Variants in RASGRF1 observed in about 807,000 individuals in gnomAD.
The protein encoded by RASGRF1 is Ras protein specific guanine nucleotide releasing factor 1.
In RASGRF1, 40 loss-of-function variants were observed where a neutral mutation model predicts 138.7. The observed-to-expected ratio is 0.29, with a 90% CI of 0.22 to 0.38. The LOEUF is 0.38. RASGRF1 is among the 10% of genes least tolerant of loss of function. The probability of loss-of-function intolerance (pLI) is 1.00; values close to 1 mark genes in which losing one functional copy is unlikely to be tolerated. For missense variants in RASGRF1, 1,108 were observed against 1,650.4 expected (o/e 0.67, Z 5.69); for synonymous variants, 614 against 663.2 (o/e 0.93, Z 1.14).
rs1262211699 is a variant in RASGRF1, at chr15:78,961,071, T to G, written c.*1073A>C. 1 of 152,276 alleles carries G rather than the reference T, an allele frequency of 6.6e-6. No homozygotes were observed. Among genetic ancestry groups the G allele is most frequent in the African/African-American group, 2.4e-5 (1 of 41,472 alleles). 9.4% of individuals were successfully genotyped at this position (152,276 alleles called of 1,614,324 possible). A position where few individuals can be genotyped will look rare whatever the true frequency, so the allele number is the denominator to read the frequency against. On this transcript the variant is annotated 3_prime_UTR_variant, in exon 27 of 27. Coordinates refer to ENST00000558480, the MANE Select transcript of RASGRF1 (RefSeq NM_001145648.3). ...TTGCTTACAGCAAAAGTTGTCTGTC[T>G]GTTGTAGTGGAGCATGCCTGCCACT...
chr15:79,063,855 G>A (rs527561449), intron 2 of RASGRF1, among the ~76,000 whole-genome samples: 1 of 152,240 alleles, frequency 6.6e-6, no homozygotes, highest in East Asian at 1.9e-4. Flanking sequence ...GTTCAGCTTG[G>A]AGCCCCTGTT....
intron 14 of RASGRF1, chr15:79,004,841 CT>C (rs1436057724): frequency 1.0e-6 from 1 of 985,218 alleles, no homozygotes; most frequent in Non-Finnish European, 1.2e-6. Flanking sequence ...TAGGATTGAT[CT>C]TTTAACCCTC....
chr15:79,037,468 T>A lies in RASGRF1; in HGVS notation c.879-2258A>T, dbSNP rs190247710. Among the ~76,000 whole-genome samples, 1,299 of 151,886 alleles carry A rather than the reference T, an allele frequency of 8.6e-3. 14 individuals carry two copies. The highest frequency in any genetic ancestry group is 0.03 in the African/African-American group (1,262 of 41,394). The stretch of plus-strand genomic sequence containing the variant: ...TTTCTATTATTATTATTATTATTAT[T>A]ATATTTTTGAGGTGGAGTCTTGCTC... On this transcript the variant is annotated intron_variant, in intron 5 of 26. Transcript: ENST00000558480.
At chr15:79,055,065 C>T (rs933152270) in intron 3 of RASGRF1, among the ~76,000 whole-genome samples, 3 of 152,194 alleles carry the variant, frequency 2.0e-5, no homozygotes, top group African/African-American at 7.2e-5. Flanking sequence ...GAGGAGAAGG[C>T]TGTGGTGGGG....
chr15:78,976,119 G>T (rs1383033630), intron 24 of RASGRF1, among the ~76,000 whole-genome samples: 1 of 152,172 alleles, frequency 6.6e-6, no homozygotes, highest in Admixed American at 6.5e-5. Context: ...TGACCACCCA[G>T]ATCAGTGAAA....
chr15:79,082,099 C>G (rs1206146346), intron 1 of RASGRF1, among the ~76,000 whole-genome samples: 1 of 152,180 alleles, frequency 6.6e-6, no homozygotes, highest in Non-Finnish European at 1.5e-5. Flanking sequence ...GCCCGATGAT[C>G]AGATTTGCAT....
intron 19 of RASGRF1, among the ~76,000 whole-genome samples, chr15:78,996,329 C>T (rs1271745452): frequency 1.3e-5 from 2 of 152,132 alleles, no homozygotes; most frequent in Non-Finnish European, 2.9e-5. Flanking sequence ...GCCAAAGTGC[C>T]GCACGCTCAC....
At position 79,046,608 on chromosome 15, in the gene RASGRF1, G is replaced by C. The variant is rs776409700; in HGVS notation, c.878+138C>G. The stretch of plus-strand genomic sequence containing the variant: ...ATTGGGGTTGGTGGTTTCTAGCCAC[G>C]TGATCTTGGGCACTTCTGTCCTCTC... On this transcript the variant is annotated intron_variant, in intron 5 of 26. Coordinates refer to ENST00000558480, the MANE Select transcript of RASGRF1 (RefSeq NM_001145648.3). This position sits in a 1 kb window ranked among gnomAD's most constrained non-coding sequence, Gnocchi z 5.3. 7.2e-7 allele frequency: 1 copy of C among 1,396,004 alleles called. No homozygotes were observed. The highest frequency in any genetic ancestry group is 1.4e-5 in the African/African-American group (1 of 69,766). The allele number at this position is 1,396,004 out of a possible 1,614,324, so 86.5% of individuals were successfully genotyped here. A position where few individuals can be genotyped will look rare whatever the true frequency, so the allele number is the denominator to read the frequency against.
chr15:78,980,103 G>A lies in RASGRF1; in HGVS notation c.3494+517C>T, dbSNP rs370382997. 305 of 152,632 alleles carry A rather than the reference G, an allele frequency of 2.0e-3. 1 individual carries two copies. Among genetic ancestry groups the A allele is most frequent in the Non-Finnish European group, 3.4e-3 (229 of 68,254 alleles). The allele number at this position is 152,632 out of a possible 1,614,324, so 9.5% of individuals were successfully genotyped here. A position where few individuals can be genotyped will look rare whatever the true frequency, so the allele number is the denominator to read the frequency against. ...CCGCCGTGTGGGCAATGTTGATGGC[G>A]TTAAGCGCACAATGTCTAGGCAAGT... On this transcript the variant is annotated intron_variant, in intron 24 of 26. Coordinates refer to ENST00000558480, the MANE Select transcript of RASGRF1 (RefSeq NM_001145648.3).
chr15:79,086,580 C>G (rs1028688402), intron 1 of RASGRF1, among the ~76,000 whole-genome samples: 29 of 151,564 alleles, frequency 1.9e-4, no homozygotes, highest in African/African-American at 2.4e-4. Context: ...CTAAGACCCC[C>G]CCCCCCCAGC....
rs1255920458 is a variant in RASGRF1, at chr15:79,006,338, C to A, written c.1923G>T (p.Glu641Asp). 3 of 1,614,246 alleles carry A rather than the reference C, an allele frequency of 1.9e-6. No individual in the cohort carries two copies. Among genetic ancestry groups the A allele is most frequent in the African/African-American group, 1.3e-5 (1 of 75,058 alleles). The change falls in exon 14 of 27, where the codon GAG (glutamate) becomes GAT (aspartate). Residue 641 changes from glutamate (E) to aspartate (D), a missense_variant. Glu to Asp is a conservative substitution (Grantham distance 45, BLOSUM62 2). Transcript: ENST00000558480. This position sits in a 1 kb window ranked among gnomAD's most constrained non-coding sequence, Gnocchi z 4.0. ...KVLQIRYASVERLLERLTDLR... is the reference protein window; with the variant it reads ...KVLQIRYASVDRLLERLTDLR... ...GGTCCGTCAGCCTCTCCAGCAGCCG[C>A]TCCACACTGGCGTAGCGGATCTGCA...
chr15:79,035,101 T>G, intron 6 of RASGRF1, 30 bp downstream of exon 6: 1 of 1,583,776 alleles, frequency 6.3e-7, no homozygotes, highest in Non-Finnish European at 8.6e-7. Flanking sequence ...GGGACTTCTC[T>G]GGGGGCCGCA....
intron 1 of RASGRF1, among the ~76,000 whole-genome samples, chr15:79,069,951 T>A (rs1250969205): frequency 2.0e-5 from 3 of 152,240 alleles, no homozygotes; most frequent in African/African-American, 7.2e-5. Flanking sequence ...GAGGCTCTTA[T>A]GCACCATTCA....
rs769260174 is a variant in RASGRF1, at chr15:78,999,739, A to C, written c.2746+4T>G. ...ACCCTGTGAGTGGAGAACACCCCAC[A>C]TACCTGCACTGGCTAAGGACATCCT... On this transcript the variant is annotated splice_donor_region_variant and intron_variant, in intron 17 of 26. Transcript: ENST00000558480. 6.2e-7 allele frequency: 1 copy of C among 1,613,012 alleles called. No homozygotes were observed. Among genetic ancestry groups the C allele is most frequent in the African/African-American group, 1.3e-5 (1 of 75,014 alleles).
chr15:79,072,716 C>T (rs1398374577), intron 1 of RASGRF1, among the ~76,000 whole-genome samples: 1 of 152,184 alleles, frequency 6.6e-6, no homozygotes, highest in Non-Finnish European at 1.5e-5. Flanking sequence ...AAGCTGAACT[C>T]CCACCTGAGC....
intron 19 of RASGRF1, among the ~76,000 whole-genome samples, chr15:78,996,683 C>T (rs1165480263): frequency 6.6e-6 from 1 of 152,142 alleles, no homozygotes; most frequent in Non-Finnish European, 1.5e-5. Context: ...GGGGGCTCCA[C>T]ACACTCCTAA....
chr15:79,011,889 G>A (rs1167151897), intron 13 of RASGRF1, among the ~76,000 whole-genome samples: 1 of 152,038 alleles, frequency 6.6e-6, no homozygotes, highest in African/African-American at 2.4e-5. Context: ...GGTGGTGCAC[G>A]CCTGTAGTCC....
intron 2 of RASGRF1, among the ~76,000 whole-genome samples, chr15:79,063,784 G>C (rs967939056): frequency 7.2e-5 from 11 of 152,196 alleles, no homozygotes; most frequent in African/African-American, 2.7e-4. Flanking sequence ...GCGATTGTCA[G>C]CTCTGGGACC....
rs1166735897 is a variant in RASGRF1, at chr15:79,073,136, G to A, written c.277-8610C>T. ...TCAGGACTCACTATATGTGATCAAG[G>A]ATATAGGATACATTCAGATACAGGA... On this transcript the variant is annotated intron_variant, in intron 1 of 26. Transcript: ENST00000558480. The surrounding 1 kb of genome is among the most constrained non-coding windows in gnomAD (Gnocchi z 4.2). Among the ~76,000 whole-genome samples the A allele has an allele frequency of 1.3e-5, 2 of 151,970 alleles. No individual in the cohort carries two copies. Among genetic ancestry groups the A allele is most frequent in the African/African-American group, 4.8e-5 (2 of 41,342 alleles).
Sources: allele counts gnomAD v4.1 joint callset (sites outside exome capture counted in the v4.1 genomes callset), GRCh38; gene constraint gnomAD v4.1.1; non-coding constraint Gnocchi (gnomAD v3.1); transcripts MANE v1.5; gene names NCBI Gene and HGNC (gene_info 2026-07-23, HGNC 2026-07-21).